The following CNTNAP5 variants were observed in gnomAD, a reference collection of about 807,000 sequenced individuals.
CNTNAP5 encodes contactin associated protein family member 5, also known as contactin-associated protein-like 5.
Under a neutral mutation model 150.2 loss-of-function variants are expected in CNTNAP5, and 72 were observed. The ratio of observed to expected loss-of-function variants is 0.48; its 90% CI spans 0.40 to 0.58. CNTNAP5 has a LOEUF of 0.58. Among genes scored for constraint, CNTNAP5 ranks in the 20% least tolerant of loss-of-function variants. The pLI, the probability that CNTNAP5 is intolerant of heterozygous loss-of-function variation, is 0.00. For missense variants in CNTNAP5, 1,636 were observed against 1,626.2 expected (o/e 1.01, Z -0.10); for synonymous variants, 672 against 619.8 (o/e 1.08, Z -1.25).
chr2:124,570,518 C>A (rs529305208), intron 11 of CNTNAP5, among the ~76,000 whole-genome samples: 15 of 152,290 alleles, frequency 9.8e-5, no homozygotes, highest in African/African-American at 3.6e-4. Context: ...TGAGAAGGAA[C>A]TTACTTCTCT....
At chr2:124,908,969 A>T (rs1284668027) in intron 22 of CNTNAP5, among the ~76,000 whole-genome samples, 8 of 152,160 alleles carry the variant, frequency 5.3e-5, no homozygotes, top group African/African-American at 1.9e-4. Flanking sequence ...ACAAAGAAGT[A>T]AAAAAGTTAA....
chr2:124,051,315 C>T (rs1681689232), intron 1 of CNTNAP5, among the ~76,000 whole-genome samples: 1 of 152,142 alleles, frequency 6.6e-6, no homozygotes, highest in South Asian at 2.1e-4. Flanking sequence ...AGGCTCCACT[C>T]TAATTGACAG....
chr2:124,604,143 A>G (rs988170777), intron 11 of CNTNAP5, among the ~76,000 whole-genome samples: 3 of 152,318 alleles, frequency 2.0e-5, no homozygotes, highest in African/African-American at 7.2e-5. Flanking sequence ...GTGAAAATGC[A>G]TCATTTTTTG....
chr2:124,284,503 G>A (rs111545663), intron 3 of CNTNAP5, among the ~76,000 whole-genome samples: 3,430 of 152,182 alleles, frequency 0.023, 131 homozygotes, highest in African/African-American at 0.077. Flanking sequence ...TAGCTAATGC[G>A]TGTGGGGCTT....
intron 7 of CNTNAP5, among the ~76,000 whole-genome samples, chr2:124,501,151 G>A (rs1694270974): frequency 6.6e-6 from 1 of 152,192 alleles, no homozygotes; most frequent in Non-Finnish European, 1.5e-5. Flanking sequence ...TTACCTTGAA[G>A]GTTTGATCAA....
At chr2:124,180,936 G>A (rs1685193031) in intron 1 of CNTNAP5, among the ~76,000 whole-genome samples, 1 of 151,818 alleles carries the variant, frequency 6.6e-6, no homozygotes, top group African/African-American at 2.4e-5. Flanking sequence ...TAAAAGCCAA[G>A]GGCTTCCACA....
At chr2:124,585,669 CTTTTTTTTT>C (rs33978614) in intron 11 of CNTNAP5, among the ~76,000 whole-genome samples, 1 of 66,408 alleles carries the variant, frequency 1.5e-5, no homozygotes, top group Non-Finnish European at 2.7e-5. Context: ...GAGCTTGAAG[CTTTTTTTTT>C]TTTTTTTTTT....
At chr2:124,731,728 G>T (rs921434307) in intron 13 of CNTNAP5, among the ~76,000 whole-genome samples, 1 of 151,900 alleles carries the variant, frequency 6.6e-6, no homozygotes, top group Non-Finnish European at 1.5e-5. Context: ...GTGTATGGGT[G>T]TGCATGTATT....
chr2:124,631,388 T>G (rs1677857498), intron 12 of CNTNAP5, among the ~76,000 whole-genome samples: 1 of 152,060 alleles, frequency 6.6e-6, no homozygotes, highest in Non-Finnish European at 1.5e-5. Flanking sequence ...TATAGACCAA[T>G]GGAACAGAAT....
intron 1 of CNTNAP5, among the ~76,000 whole-genome samples, chr2:124,168,769 T>G (rs1684863213): frequency 6.6e-6 from 1 of 152,230 alleles, no homozygotes; most frequent in African/African-American, 2.4e-5. Context: ...CCAATGGCTA[T>G]TAATGTTATT....
chr2:124,524,457 A>C lies in CNTNAP5; in HGVS notation c.1477+5A>C. 6.2e-7 allele frequency: 1 copy of C among 1,606,758 alleles called. No homozygotes were observed. Among genetic ancestry groups the C allele is most frequent in the Non-Finnish European group, 8.5e-7 (1 of 1,176,006 alleles). ...GAAATAGCTACTATTTTGGAGGTAA[A>C]TTCTCCAGTCTTTAAGAGGGAAAAT... On this transcript the variant is annotated splice_donor_5th_base_variant and intron_variant, in intron 9 of 23. Transcript: ENST00000682447.
rs762901729 is a variant in CNTNAP5 at position 124,306,719 on chromosome 2, CTTTTTTTT to C, written c.381+64344_381+64351del. On this transcript the variant is annotated intron_variant, in intron 3 of 23. Coordinates refer to ENST00000682447, the MANE Select transcript of CNTNAP5 (RefSeq NM_001367498.1). Reference sequence around the variant, plus strand: ...AAACTTGGTTTCTCTCTCTCTCTTTCTTTTTTTTTTTTTTTTTTTTTTTTTGAGGTGAA... The same window carrying C: ...AAACTTGGTTTCTCTCTCTCTCTTTCTTTTTTTTTTTTTTTTTGAGGTGAA... Among the ~76,000 whole-genome samples, 455 of 64,388 alleles carry C rather than the reference CTTTTTTTT, an allele frequency of 7.1e-3. 3 individuals are homozygous for C. Among genetic ancestry groups the C allele is most frequent in the African/African-American group, 0.027 (440 of 16,064 alleles). 42.2% of individuals were successfully genotyped at this position (64,388 alleles called of 152,430 possible).
chr2:124,916,990 T>A lies in CNTNAP5; in HGVS notation c.*2702T>A, dbSNP rs1191980549. ...AATTAGAAATCGTGCTAACTCTGAC[T>A]GTCTTTCCTCAGTGGTACCAAGATC... On this transcript the variant is annotated 3_prime_UTR_variant, in exon 24 of 24. Transcript: ENST00000682447. Among the ~76,000 whole-genome samples the A allele has an allele frequency of 1.3e-5, 2 of 152,112 alleles. No homozygotes were observed. Among genetic ancestry groups the A allele is most frequent in the African/African-American group, 4.8e-5 (2 of 41,448 alleles).
At chr2:124,030,634 C>G (rs1471837300) in intron 1 of CNTNAP5, among the ~76,000 whole-genome samples, 1 of 151,850 alleles carries the variant, frequency 6.6e-6, no homozygotes, top group Non-Finnish European at 1.5e-5. Context: ...GCACCACAGC[C>G]AACTCCAGAG....
chr2:124,720,082 G>C (rs904102909), intron 13 of CNTNAP5, among the ~76,000 whole-genome samples: 6 of 152,178 alleles, frequency 3.9e-5, no homozygotes, highest in Non-Finnish European at 8.8e-5. Context: ...GCGAGACTCT[G>C]AGCTCCAGGA....
chr2:124,287,228 AT>A (rs1688177742), intron 3 of CNTNAP5, among the ~76,000 whole-genome samples: 1 of 152,168 alleles, frequency 6.6e-6, no homozygotes. Flanking sequence ...AGGTGGTCTC[AT>A]TATCTCCATT....
At chr2:124,885,898 G>T (rs1678070802) in intron 21 of CNTNAP5, among the ~76,000 whole-genome samples, 2 of 151,820 alleles carry the variant, frequency 1.3e-5, no homozygotes, top group Admixed American at 6.6e-5. Flanking sequence ...TCCATATTTT[G>T]GCTGTTGTAT....
At chr2:124,527,492 C>T (rs1310552052) in intron 10 of CNTNAP5, 36 bp downstream of exon 10, 2 of 1,528,200 alleles carry the variant, frequency 1.3e-6, no homozygotes, top group Non-Finnish European at 1.8e-6. Flanking sequence ...TCTGCCACCC[C>T]CTTCCCATTC....
At chr2:124,208,110 G>A (rs926450348) in intron 1 of CNTNAP5, among the ~76,000 whole-genome samples, 2 of 152,088 alleles carry the variant, frequency 1.3e-5, no homozygotes, top group Admixed American at 1.3e-4. Flanking sequence ...GGCCTGAAAT[G>A]TCTCAAAAAA....
Sources: gnomAD v4.1 joint callset for allele counts (sites outside exome capture counted in the v4.1 genomes callset) on GRCh38, gnomAD v4.1.1 for gene constraint, MANE v1.5 for transcripts, NCBI Gene and HGNC (gene_info 2026-07-23, HGNC 2026-07-21) for gene names.